Variants in ZCCHC14 observed in about 807,000 individuals in gnomAD.
The protein encoded by ZCCHC14 is zinc finger CCHC-type containing 14.
A neutral mutation model predicts 85.0 loss-of-function variants in ZCCHC14; 16 were observed. The observed-to-expected ratio is 0.19, with a 90% CI of 0.13 to 0.29. ZCCHC14 has a LOEUF of 0.29. Ranked by LOEUF, ZCCHC14 falls within the 10% of genes least tolerant of loss-of-function variation. The probability of loss-of-function intolerance (pLI) is 1.00; values close to 1 mark genes in which losing one functional copy is unlikely to be tolerated. For synonymous variants in ZCCHC14, 775 were observed against 630.7 expected, an observed-to-expected ratio of 1.23 and a Z score of -3.43; for missense variants, 1,303 against 1,443.5, an observed-to-expected ratio of 0.90 and a Z score of 1.58.
chr16:87,471,340 T>A (rs532769916), intron 1 of ZCCHC14: 1 of 152,224 alleles, frequency 6.6e-6, no homozygotes, highest in African/African-American at 2.4e-5. Flanking sequence ...TTTGCTGACT[T>A]AGACCAAGTG....
At chr16:87,486,529 G>A (rs1157171966) in intron 1 of ZCCHC14, among the ~76,000 whole-genome samples, 1 of 152,222 alleles carries the variant, frequency 6.6e-6, no homozygotes, top group African/African-American at 2.4e-5. Flanking sequence ...AACAAGATCA[G>A]CTGAGGACGC....
In ZCCHC14 at chr16:87,420,523, T is replaced by G; in HGVS notation, c.950+84A>C. 9.0e-7 allele frequency: 1 copy of G among 1,116,332 alleles called. No homozygotes were observed. The highest frequency in any genetic ancestry group is 1.3e-6 in the Non-Finnish European group (1 of 780,922). The allele number at this position is 1,116,332 out of a possible 1,614,324, so 69.2% of individuals were successfully genotyped here. On this transcript the variant is annotated intron_variant, in intron 5 of 12. Transcript: ENST00000671377. The surrounding 1 kb of genome is among the most constrained non-coding windows in gnomAD (Gnocchi z 5.0). ...AGGTGACCGCGCATCCTCCCAGAGC[T>G]CCTTGGAGGACCACAGCATTGACCA...
intron 7 of ZCCHC14, among the ~76,000 whole-genome samples, chr16:87,418,132 A>C (rs905957169): frequency 6.6e-6 from 1 of 152,086 alleles, no homozygotes. Flanking sequence ...TTTTAAAAAC[A>C]TGCTACTCCG....
rs114217962 is a variant in ZCCHC14 at position 87,418,028 on chromosome 16, G to A, written c.1101-286C>T. Reference sequence around the variant, plus strand: ...CCTCTGCCCGTGCTTCGGAGTATGCGTCTACTTGTGTGTACGTATGTGTAT... The same window carrying A: ...CCTCTGCCCGTGCTTCGGAGTATGCATCTACTTGTGTGTACGTATGTGTAT... On this transcript the variant is annotated intron_variant, in intron 7 of 12. Transcript: ENST00000671377. 4.8e-3 allele frequency: 2,152 copies of A among 451,448 alleles called. 41 individuals carry two copies. The highest frequency in any genetic ancestry group is 0.038 in the African/African-American group (1,993 of 51,916). 28.0% of individuals were successfully genotyped at this position (451,448 alleles called of 1,614,324 possible).
Position 87,420,737 on chromosome 16 carries a change from G to T in ZCCHC14, c.841-21C>A. 1 of 1,595,908 alleles carries T rather than the reference G, an allele frequency of 6.3e-7. No individual in the cohort carries two copies. Among genetic ancestry groups the T allele is most frequent in the Non-Finnish European group, 8.6e-7 (1 of 1,168,910 alleles). ...CATAGCTGGAAGAGAGGACAAGGTA[G>T]AGGAGGTGTGTCCAGACCCATCCAA... On this transcript the variant is annotated intron_variant, in intron 4 of 12. Transcript: ENST00000671377. The surrounding 1 kb of genome is among the most constrained non-coding windows in gnomAD (Gnocchi z 5.0).
At chr16:87,421,078 A>G (rs1438624134) in intron 4 of ZCCHC14, among the ~76,000 whole-genome samples, 1 of 152,232 alleles carries the variant, frequency 6.6e-6, no homozygotes, top group Non-Finnish European at 1.5e-5. Flanking sequence ...AGGTCTGGAG[A>G]GACAGGTTCC....
chr16:87,460,143 G>C lies in ZCCHC14; in HGVS notation c.571-12C>G. The C allele has an allele frequency of 6.2e-7, 1 of 1,612,988 alleles. No homozygotes were observed. The highest frequency in any genetic ancestry group is 1.1e-5 in the South Asian group (1 of 90,926). On this transcript the variant is annotated splice_polypyrimidine_tract_variant and intron_variant, in intron 1 of 12. Transcript: ENST00000671377. ...GTTCTTGGAGTGATCTGAGGGAACA[G>C]AAACAGAATCATCTTATTTTCTCCC...
chr16:87,435,927 G>A (rs144053982), intron 2 of ZCCHC14, among the ~76,000 whole-genome samples: 134 of 152,354 alleles, frequency 8.8e-4, no homozygotes, highest in African/African-American at 3.2e-3. Flanking sequence ...CAGACTGTCA[G>A]CAAATACATA....
At chr16:87,488,945 A>T (rs879679446) in intron 1 of ZCCHC14, among the ~76,000 whole-genome samples, 1 of 144,216 alleles carries the variant, frequency 6.9e-6, no homozygotes, top group Non-Finnish European at 1.5e-5. Context: ...CTAAAAGAAA[A>T]ATACAAAGTC....
At chr16:87,472,085 G>C (rs1463970830) in intron 1 of ZCCHC14, 2 of 152,294 alleles carry the variant, frequency 1.3e-5, no homozygotes, top group South Asian at 2.1e-4. Context: ...ACAGACAAGT[G>C]CAAGTGTCAA....
At chr16:87,416,178 G>A (rs1002515358) in intron 8 of ZCCHC14, among the ~76,000 whole-genome samples, 4 of 151,820 alleles carry the variant, frequency 2.6e-5, no homozygotes, top group African/African-American at 4.8e-5. Context: ...CACCTGCCTC[G>A]GCCTCCCAAA....
chr16:87,489,232 A>C (rs1253397976), intron 1 of ZCCHC14, among the ~76,000 whole-genome samples: 1 of 152,184 alleles, frequency 6.6e-6, no homozygotes, highest in Non-Finnish European at 1.5e-5. Context: ...GAAAACTAGA[A>C]ACCACGGTTG....
intron 3 of ZCCHC14, among the ~76,000 whole-genome samples, chr16:87,427,167 T>C (rs1405554359): frequency 6.6e-6 from 1 of 152,208 alleles, no homozygotes; most frequent in African/African-American, 2.4e-5. Flanking sequence ...GAATCTCCAC[T>C]CAGCTCTGCC....
chr16:87,472,129 G>A (rs573346589), intron 1 of ZCCHC14: 3 of 152,416 alleles, frequency 2.0e-5, no homozygotes, highest in Admixed American at 6.5e-5. Flanking sequence ...TGGAACTGAA[G>A]TAGGAGGAGT....
In ZCCHC14 at chr16:87,413,189, C is replaced by A; in HGVS notation, c.1610G>T (p.Arg537Leu). Reference sequence around the variant, plus strand: ...GTGATGGGGCTGCTCCACTTCCACCCGCAGCTCTGCAGAAAAGGGACAGAG... The same window carrying A: ...GTGATGGGGCTGCTCCACTTCCACCAGCAGCTCTGCAGAAAAGGGACAGAG... The part of the protein sequence containing the change: ...SGRGSHAAEL[R>L]VEVEQPHHQL... The change falls in exon 11 of 13, where the codon CGG becomes CTG. Residue 537 changes from arginine (R) to leucine (L), a missense_variant. By Grantham distance (102) the Arg-to-Leu change is moderately radical (BLOSUM62 -2). Around this residue, in one of 7 missense-constraint regions of ZCCHC14, gnomAD observed 58 missense variants for 88.2 expected, o/e 0.66. Transcript: ENST00000671377. 1 of 1,563,468 alleles carries A rather than the reference C, an allele frequency of 6.4e-7. No homozygotes were observed. The highest frequency in any genetic ancestry group is 8.7e-7 in the Non-Finnish European group (1 of 1,155,554).
intron 8 of ZCCHC14, among the ~76,000 whole-genome samples, chr16:87,416,186 A>G (rs1209273554): frequency 1.3e-5 from 2 of 151,894 alleles, no homozygotes; most frequent in East Asian, 2.0e-4. Flanking sequence ...TCGGCCTCCC[A>G]AAGTGCTGGG....
Position 87,410,849 on chromosome 16 carries a change from G to T in ZCCHC14, c.3206-514C>A, listed in dbSNP as rs112443213. ...GGCAGGTCTGAGAATCACAGATCTA[G>T]TGCAACCCTTAGAAGCAACTGGAAG... On this transcript the variant is annotated intron_variant, in intron 12 of 12. Transcript: ENST00000671377. Among the ~76,000 whole-genome samples the T allele has an allele frequency of 6.6e-5, 10 of 152,312 alleles. 1 individual carries two copies. The highest frequency in any genetic ancestry group is 2.4e-4 in the African/African-American group (10 of 41,574).
In ZCCHC14 at chr16:87,412,194, T is replaced by A; in HGVS notation, c.2527A>T (p.Thr843Ser). The change falls in exon 12 of 13, where the codon ACT (threonine) becomes TCT (serine). Residue 843 changes from threonine (T) to serine (S), a missense_variant. By Grantham distance (58) the Thr-to-Ser change is moderately conservative (BLOSUM62 1). Transcript: ENST00000671377. ...GAGGGGTGGCTGCTGGGAGAGGCAG[T>A]GTTGCTGTTTGCACAGAAGCCACCC... ...LQGGFCANSN[T>S]ASPSSHPSTS... The A allele has an allele frequency of 6.2e-7, 1 of 1,613,976 alleles. No individual in the cohort carries two copies. Among genetic ancestry groups the A allele is most frequent in the Non-Finnish European group, 8.5e-7 (1 of 1,180,020 alleles).
Position 87,460,134 on chromosome 16 carries a change from G to C in ZCCHC14, c.571-3C>G. The C allele has an allele frequency of 6.2e-7, 1 of 1,613,850 alleles. No individual in the cohort carries two copies. The highest frequency in any genetic ancestry group is 8.5e-7 in the Non-Finnish European group (1 of 1,179,878). On this transcript the variant is annotated splice_region_variant and splice_polypyrimidine_tract_variant and intron_variant, in intron 1 of 12. Transcript: ENST00000671377. ...GGGGCCTCAGTTCTTGGAGTGATCT[G>C]AGGGAACAGAAACAGAATCATCTTA...
Sources: gnomAD v4.1 joint callset for allele counts (sites outside exome capture counted in the v4.1 genomes callset) on GRCh38, gnomAD v4.1.1 for gene constraint, gnomAD v4.1.1 regional missense constraint, Gnocchi (gnomAD v3.1) non-coding constraint, MANE v1.5 for transcripts, NCBI Gene and HGNC (gene_info 2026-07-23, HGNC 2026-07-21) for gene names.